The following DLG2 variants were observed in gnomAD, a reference collection of about 807,000 sequenced individuals.
DLG2 encodes disks large homolog 2.
Under a neutral mutation model 132.5 loss-of-function variants are expected in DLG2, and 45 were observed. That is an observed-to-expected ratio of 0.34 (90% CI 0.27 to 0.44). DLG2 has a LOEUF of 0.44. Among genes scored for constraint, DLG2 ranks in the 20% least tolerant of loss-of-function variants. The pLI is 1.00. For missense variants in DLG2, 1,045 were observed against 1,196.9 expected (o/e 0.87, Z 1.87); for synonymous variants, 424 against 419.6 (o/e 1.01, Z -0.13).
chr11:83,875,662 G>A (rs2064582485), intron 15 of DLG2, among the ~76,000 whole-genome samples: 1 of 152,030 alleles, frequency 6.6e-6, no homozygotes. Context: ...TAAATATTTT[G>A]GTTGAAACAC....
intron 16 of DLG2, among the ~76,000 whole-genome samples, chr11:83,853,771 C>T (rs1236748854): frequency 2.0e-5 from 3 of 152,064 alleles, no homozygotes; most frequent in East Asian, 1.9e-4. Flanking sequence ...CAGCTAATAT[C>T]ATGCCTAATG....
intron 3 of DLG2, among the ~76,000 whole-genome samples, chr11:85,350,518 C>A (rs1017144342): frequency 2.0e-5 from 3 of 152,164 alleles, no homozygotes; most frequent in Admixed American, 2.0e-4. Flanking sequence ...CCTAGGTTTT[C>A]TTCTAGGGTT....
intron 4 of DLG2, among the ~76,000 whole-genome samples, chr11:85,257,164 C>A (rs1222027690): frequency 2.6e-5 from 4 of 151,942 alleles, no homozygotes; most frequent in African/African-American, 9.7e-5. Context: ...AAAAAGTGGG[C>A]CACCTAGACA....
intron 6 of DLG2, among the ~76,000 whole-genome samples, chr11:84,626,084 G>T (rs570413802): frequency 1.3e-4 from 20 of 152,284 alleles, no homozygotes; most frequent in African/African-American, 4.6e-4. Context: ...ACTAGTTCGG[G>T]TGATTCAGAT....
intron 11 of DLG2, among the ~76,000 whole-genome samples, chr11:83,984,227 T>G (rs2128778): frequency 0.016 from 1,752 of 110,662 alleles, 26 homozygotes; most frequent in African/African-American, 0.068. Context: ...GATAGATAGA[T>G]AGATAGATAA....
chr11:84,969,314 C>G (rs371507452), intron 6 of DLG2, among the ~76,000 whole-genome samples: 32 of 152,238 alleles, frequency 2.1e-4, no homozygotes, highest in African/African-American at 7.0e-4. Context: ...ATGTCTGGAG[C>G]TAGTGGCTGG....
At chr11:83,738,138 T>C (rs1342175833) in intron 18 of DLG2, among the ~76,000 whole-genome samples, 1 of 152,118 alleles carries the variant, frequency 6.6e-6, no homozygotes, top group African/African-American at 2.4e-5. Context: ...CAAGTTCAGA[T>C]TCCAAGGGTC....
chr11:85,015,227 A>G (rs545679526), intron 6 of DLG2, among the ~76,000 whole-genome samples: 13 of 152,146 alleles, frequency 8.5e-5, no homozygotes, highest in Non-Finnish European at 1.6e-4. Flanking sequence ...ATTCTTAATC[A>G]TATGCTGCAC....
chr11:85,463,442 A>G (rs897599924), intron 3 of DLG2, among the ~76,000 whole-genome samples: 2 of 152,242 alleles, frequency 1.3e-5, no homozygotes, highest in Non-Finnish European at 2.9e-5. Flanking sequence ...AAGGAGAGAT[A>G]AAAGGAAGAT....
At chr11:84,765,457 C>T (rs1437430360) in intron 6 of DLG2, among the ~76,000 whole-genome samples, 1 of 152,006 alleles carries the variant, frequency 6.6e-6, no homozygotes, top group Non-Finnish European at 1.5e-5. Flanking sequence ...ATACGGTCTC[C>T]CCTCAACCAA....
intron 6 of DLG2, among the ~76,000 whole-genome samples, chr11:84,719,913 T>C (rs2061605290): frequency 6.6e-6 from 1 of 152,118 alleles, no homozygotes; most frequent in Admixed American, 6.5e-5. Flanking sequence ...GCCCAGTGGG[T>C]TGGGGCTCTA....
At chr11:83,658,175 T>C (rs2073238965) in intron 18 of DLG2, among the ~76,000 whole-genome samples, 2 of 152,242 alleles carry the variant, frequency 1.3e-5, no homozygotes, top group African/African-American at 4.8e-5. Flanking sequence ...TATTTGCTTA[T>C]AGTGAATTCC....
intron 4 of DLG2, among the ~76,000 whole-genome samples, chr11:85,196,958 A>G (rs892148068): frequency 1.3e-5 from 2 of 152,194 alleles, no homozygotes; most frequent in African/African-American, 4.8e-5. Flanking sequence ...TATCTGTTTA[A>G]TTTTGGCACC....
At chr11:84,215,911 T>C (rs1388740022) in intron 8 of DLG2, among the ~76,000 whole-genome samples, 5 of 152,164 alleles carry the variant, frequency 3.3e-5, no homozygotes, top group East Asian at 1.9e-4. Context: ...ATTCCAGAAG[T>C]AGTGGTTTTG....
At chr11:85,419,813 T>A (rs1228493535) in intron 3 of DLG2, among the ~76,000 whole-genome samples, 1 of 152,346 alleles carries the variant, frequency 6.6e-6, no homozygotes, top group East Asian at 1.9e-4. Flanking sequence ...CAACTGGTTA[T>A]TCTAGTTAGC....
chr11:84,928,429 A>T (rs544822365), intron 6 of DLG2, among the ~76,000 whole-genome samples: 3 of 152,000 alleles, frequency 2.0e-5, no homozygotes, highest in Admixed American at 6.6e-5. Context: ...GAGAAGTCAA[A>T]TATATAACTT....
intron 18 of DLG2, among the ~76,000 whole-genome samples, chr11:83,680,032 G>T (rs1028829618): frequency 6.6e-6 from 1 of 152,144 alleles, no homozygotes; most frequent in Non-Finnish European, 1.5e-5. Context: ...ACATGGTTTT[G>T]TGTGTATGTG....
intron 18 of DLG2, among the ~76,000 whole-genome samples, chr11:83,703,833 T>A (rs1206865119): frequency 1.3e-5 from 2 of 152,168 alleles, no homozygotes; most frequent in African/African-American, 4.8e-5. Flanking sequence ...AGAAACAACC[T>A]AAAAGTTTAA....
At chr11:85,404,920 CTATT>C (rs1382467279) in intron 3 of DLG2, among the ~76,000 whole-genome samples, 1 of 151,898 alleles carries the variant, frequency 6.6e-6, no homozygotes, top group Non-Finnish European at 1.5e-5. Context: ...CAAATTAACA[CTATT>C]TAGACTGCAA....
Sources: gnomAD v4.1 joint callset for allele counts (sites outside exome capture counted in the v4.1 genomes callset) on GRCh38, gnomAD v4.1.1 for gene constraint, MANE v1.5 for transcripts, NCBI Gene and HGNC (gene_info 2026-07-23, HGNC 2026-07-21) for gene names.